RBM33: variants seen among roughly 807,000 people sequenced by gnomAD.
RBM33 encodes RNA binding motif protein 33.
A neutral mutation model predicts 132.6 loss-of-function variants in RBM33; 28 were observed. That is an observed-to-expected ratio of 0.21 (90% CI 0.16 to 0.29). RBM33 has a LOEUF of 0.29. Among genes scored for constraint, RBM33 ranks in the 10% least tolerant of loss-of-function variants. The pLI is 1.00. For missense variants in RBM33, 1,291 were observed against 1,518.5 expected, an observed-to-expected ratio of 0.85 and a Z score of 2.49; for synonymous variants, 634 against 593.0, an observed-to-expected ratio of 1.07 and a Z score of -1.01.
chr7:155,645,375 G>A (rs1369845655), intron 1 of RBM33, among the ~76,000 whole-genome samples: 1 of 152,186 alleles, frequency 6.6e-6, no homozygotes, highest in African/African-American at 2.4e-5. Flanking sequence ...AAAACATAAC[G>A]AAAAGATTCA....
At chr7:155,691,516 T>A (rs1406092899) in intron 5 of RBM33, among the ~76,000 whole-genome samples, 1 of 152,244 alleles carries the variant, frequency 6.6e-6, no homozygotes, top group Non-Finnish European at 1.5e-5. Flanking sequence ...ATAACAATAT[T>A]TTCTTTATTC....
chr7:155,690,823 CT>C (rs1204478071), intron 5 of RBM33, among the ~76,000 whole-genome samples: 1 of 152,308 alleles, frequency 6.6e-6, no homozygotes, highest in Admixed American at 6.5e-5. Flanking sequence ...TGTAGAGTTT[CT>C]GCTGAGATAT....
At chr7:155,706,122 A>G (rs906983993) in intron 6 of RBM33, among the ~76,000 whole-genome samples, 3 of 152,184 alleles carry the variant, frequency 2.0e-5, no homozygotes, top group Admixed American at 6.5e-5. Flanking sequence ...TAATAGCTCT[A>G]CTGGCTTCAG....
chr7:155,744,848 T>G (rs1801460654), intron 13 of RBM33, 113 bp from the exon 14 acceptor site: 1 of 1,073,868 alleles, frequency 9.3e-7, no homozygotes, highest in African/African-American at 1.6e-5. Context: ...AGTGACTTCT[T>G]TCAGATACTG....
chr7:155,690,354 TA>T (rs1450264699), intron 5 of RBM33, among the ~76,000 whole-genome samples: 2 of 152,210 alleles, frequency 1.3e-5, no homozygotes, highest in African/African-American at 4.8e-5. Flanking sequence ...ATTTTGAGCC[TA>T]TATGTGTCTC....
rs537794764 is a variant in RBM33 at position 155,673,482 on chromosome 7, G to GTA, written c.171+576_171+577dup. ...CACATATATATATACATACACGTGT[G>GTA]TATATATATACACACATATATACAT... On this transcript the variant is annotated intron_variant, in intron 3 of 17. Transcript: ENST00000401878. 4.0e-3 allele frequency among the ~76,000 whole-genome samples: 567 copies of GTA among 143,102 alleles called. 22 individuals are homozygous for GTA. Among genetic ancestry groups the GTA allele is most frequent in the African/African-American group, 0.014 (524 of 37,930 alleles). The allele number at this position is 143,102 out of a possible 152,430, so 93.9% of individuals were successfully genotyped here.
chr7:155,765,847 C>G (rs2117072083), intron 15 of RBM33, among the ~76,000 whole-genome samples: 1 of 152,298 alleles, frequency 6.6e-6, no homozygotes, highest in South Asian at 2.1e-4. Context: ...TGGGGAGTGC[C>G]TGGGTCCTCA....
At position 155,644,831 on chromosome 7, in the gene RBM33, C is replaced by T; in HGVS notation, c.-46C>T. ...GCCCGGACCAGGCACGTCGGCCCAC[C>T]AGCTGGCTTGGTGGGGGAGGCTGAA... On this transcript the variant is annotated 5_prime_UTR_variant, in exon 1 of 18. Transcript: ENST00000401878. 6.9e-7 allele frequency: 1 copy of T among 1,448,890 alleles called. No homozygotes were observed. The highest frequency in any genetic ancestry group is 9.1e-7 in the Non-Finnish European group (1 of 1,100,934). 89.8% of individuals were successfully genotyped at this position (1,448,890 alleles called of 1,614,324 possible).
chr7:155,718,452 C>T lies in RBM33; in HGVS notation c.1260+9C>T, dbSNP rs201625799. 4.8e-5 allele frequency: 77 copies of T among 1,612,118 alleles called. No homozygotes were observed. Among genetic ancestry groups the T allele is most frequent in the Admixed American group, 1.7e-5 (1 of 60,000 alleles). On this transcript the variant is annotated intron_variant, in intron 9 of 17. Coordinates refer to ENST00000401878, the MANE Select transcript of RBM33 (RefSeq NM_053043.3). The stretch of plus-strand genomic sequence containing the variant: ...GACCCCAGAGATTCCCAGTGAGTAG[C>T]AGCTGCTCCTTCTCCTTTGATAGGG...
intron 1 of RBM33, among the ~76,000 whole-genome samples, chr7:155,654,906 T>C (rs1798451353): frequency 1.3e-5 from 2 of 152,218 alleles, no homozygotes; most frequent in Admixed American, 1.3e-4. Flanking sequence ...GGTGGTGATG[T>C]TCTTCTCCTA....
intron 14 of RBM33, among the ~76,000 whole-genome samples, chr7:155,747,989 C>A (rs1801571048): frequency 2.0e-5 from 3 of 152,284 alleles, no homozygotes; most frequent in African/African-American, 7.2e-5. Flanking sequence ...CTGTTCCTGG[C>A]TGCTGGAGAG....
intron 3 of RBM33, among the ~76,000 whole-genome samples, chr7:155,673,689 CACACATATATACAT>C (rs1191473132): frequency 5.2e-5 from 7 of 133,894 alleles, no homozygotes; most frequent in African/African-American, 2.2e-4. Context: ...TATATATATA[CACACATATATACAT>C]ACACACGTGT....
At chr7:155,686,072 CTCTT>C (rs535984699) in intron 5 of RBM33, among the ~76,000 whole-genome samples, 21 of 152,330 alleles carry the variant, frequency 1.4e-4, no homozygotes, top group Middle Eastern at 3.4e-3. Context: ...GCTTTCTTCT[CTCTT>C]TCTTTCTCGC....
rs550389750 is a variant in RBM33, at chr7:155,750,733, T to G, written c.2979+5131T>G. On this transcript the variant is annotated intron_variant, in intron 14 of 17. Transcript: ENST00000401878. ...TTAGTTGAAGGAAAAAGAAAATGGT[T>G]TTTTTTTTTTTTGGAGTGGCTGTTT... is the stretch of plus-strand genomic sequence containing the variant. 3.4e-5 allele frequency among the ~76,000 whole-genome samples: 5 copies of G among 148,748 alleles called. No homozygotes were observed. In the East Asian group the frequency reaches 9.8e-4, roughly 29 times the overall value.
At chr7:155,773,568 C>CAA (rs201127157) in intron 16 of RBM33, among the ~76,000 whole-genome samples, 818 of 50,418 alleles carry the variant, frequency 0.016, 88 homozygotes, top group Middle Eastern at 0.036. Context: ...ACTCCATCTC[C>CAA]AAAAAAAAAA....
chr7:155,652,317 A>T (rs529628266), intron 1 of RBM33, among the ~76,000 whole-genome samples: 1 of 152,214 alleles, frequency 6.6e-6, no homozygotes, highest in South Asian at 2.1e-4. Flanking sequence ...CCTTGAAAGC[A>T]GCCATAGACA....
rs1802569429 is a variant in RBM33 at position 155,775,280 on chromosome 7, T to TC, written c.*241dup. The TC allele has an allele frequency of 1.6e-6, 1 of 624,938 alleles. No homozygotes were observed. The highest frequency in any genetic ancestry group is 2.9e-6 in the Non-Finnish European group (1 of 345,930). 38.7% of individuals were successfully genotyped at this position (624,938 alleles called of 1,614,324 possible). ...ACATTCTCTTGTCACCACCAAGAAC[T>TC]CCAAGTTTTTCGTTTTGTTTTGTTT... is the stretch of plus-strand genomic sequence containing the variant. On this transcript the variant is annotated 3_prime_UTR_variant, in exon 18 of 18. Transcript: ENST00000401878.
At chr7:155,664,495 G>A (rs539096277) in intron 1 of RBM33, among the ~76,000 whole-genome samples, 63 of 151,250 alleles carry the variant, frequency 4.2e-4, no homozygotes, top group Non-Finnish European at 5.7e-4. Context: ...GGTCTCAAAC[G>A]CCTGACCTCA....
intron 11 of RBM33, 36 bp from the exon 12 acceptor site, chr7:155,739,679 T>TA (rs1284145971): frequency 6.6e-7 from 1 of 1,517,384 alleles, no homozygotes; most frequent in Non-Finnish European, 8.9e-7. Flanking sequence ...TGTAACCATT[T>TA]ATGAACTGTT....
Sources: gnomAD v4.1 joint callset for allele counts (sites outside exome capture counted in the v4.1 genomes callset) on GRCh38, gnomAD v4.1.1 for gene constraint, MANE v1.5 for transcripts, NCBI Gene and HGNC (gene_info 2026-07-23, HGNC 2026-07-21) for gene names.